SPOCK1: variants seen among roughly 807,000 people sequenced by gnomAD.
The protein encoded by SPOCK1 is SPARC (osteonectin), cwcv and kazal like domains proteoglycan 1.
SPOCK1 carries 23 observed loss-of-function variants against 55.3 expected under a neutral mutation model. The observed-to-expected ratio is 0.42, with a 90% CI of 0.30 to 0.59. SPOCK1 has a LOEUF of 0.59. Ranked by LOEUF, SPOCK1 falls within the 20% of genes least tolerant of loss-of-function variation. SPOCK1 has a pLI of 0.22. For missense variants in SPOCK1, 499 were observed against 552.5 expected (o/e 0.90, Z 0.97); for synonymous variants, 226 against 221.0 (o/e 1.02, Z -0.20).
intron 3 of SPOCK1, among the ~76,000 whole-genome samples, chr5:137,264,293 C>G (rs1026568175): frequency 2.0e-5 from 3 of 152,194 alleles, no homozygotes; most frequent in South Asian, 2.1e-4. Flanking sequence ...CTGCCCTCAT[C>G]ATGTCACTCG....
intron 2 of SPOCK1, among the ~76,000 whole-genome samples, chr5:137,496,777 A>G (rs949044114): frequency 1.3e-5 from 2 of 152,252 alleles, no homozygotes; most frequent in Non-Finnish European, 2.9e-5. Context: ...GGAATGGGGC[A>G]ATGAATGGCA....
intron 3 of SPOCK1, among the ~76,000 whole-genome samples, chr5:137,186,206 C>A (rs544986719): frequency 9.2e-5 from 14 of 152,200 alleles, no homozygotes; most frequent in Non-Finnish European, 1.8e-4. Flanking sequence ...TCACAGCCAA[C>A]CTTCTTGAAG....
intron 5 of SPOCK1, among the ~76,000 whole-genome samples, chr5:137,101,680 G>A (rs1156411601): frequency 1.3e-5 from 2 of 152,208 alleles, no homozygotes; most frequent in African/African-American, 4.8e-5. Flanking sequence ...AATGGACGAT[G>A]TCTGAACATC....
intron 2 of SPOCK1, among the ~76,000 whole-genome samples, chr5:137,318,153 A>C (rs1368191036): frequency 6.6e-6 from 1 of 152,110 alleles, no homozygotes; most frequent in Non-Finnish European, 1.5e-5. Flanking sequence ...AAGACCACAT[A>C]AATATGTAAT....
chr5:137,061,603 C>T (rs2127003029), intron 6 of SPOCK1, among the ~76,000 whole-genome samples: 1 of 152,278 alleles, frequency 6.6e-6, no homozygotes, highest in South Asian at 2.1e-4. Context: ...CATGTCAGGC[C>T]AGGAAGTGGG....
chr5:137,072,759 A>G (rs1561599027), intron 5 of SPOCK1, among the ~76,000 whole-genome samples: 1 of 152,220 alleles, frequency 6.6e-6, no homozygotes, highest in Non-Finnish European at 1.5e-5. Context: ...CATTTTATTC[A>G]AATTGCTTTC....
intron 2 of SPOCK1, among the ~76,000 whole-genome samples, chr5:137,322,865 C>T (rs779847204): frequency 1.3e-4 from 20 of 152,118 alleles, no homozygotes; most frequent in South Asian, 1.0e-3. Context: ...TGGAGGCTGG[C>T]AAGTCCAACA....
At chr5:137,498,349 G>A in intron 2 of SPOCK1, 24 bp downstream of exon 2, 1 of 1,550,778 alleles carries the variant, frequency 6.4e-7, no homozygotes, top group Non-Finnish European at 8.7e-7. Flanking sequence ...GCGCCCCCCA[G>A]GGCCGGGTGG....
intron 5 of SPOCK1, among the ~76,000 whole-genome samples, chr5:137,098,771 C>T (rs1753203618): frequency 6.6e-6 from 1 of 152,220 alleles, no homozygotes; most frequent in Admixed American, 6.5e-5. Context: ...AGAGACTTTG[C>T]ATCGTTTATT....
chr5:137,018,472 G>C lies in SPOCK1; in HGVS notation c.590-25872C>G, dbSNP rs372652784. ...TCCCCTCACCTTGTCCCCTCCCTCA[G>C]GTATCTCATATAGTGACAATGAAGT... On this transcript the variant is annotated intron_variant, in intron 6 of 10. Transcript: ENST00000394945. Among the ~76,000 whole-genome samples, 8 of 152,188 alleles carry C rather than the reference G, an allele frequency of 5.3e-5. No individual in the cohort carries two copies. In the East Asian group the frequency reaches 1.5e-3, roughly 29 times the overall value.
intron 5 of SPOCK1, among the ~76,000 whole-genome samples, chr5:137,107,478 AC>A (rs1325329627): frequency 5.3e-5 from 8 of 152,092 alleles, no homozygotes; most frequent in African/African-American, 1.2e-4. Context: ...TCCCTGTAGT[AC>A]CCTTCTGTTC....
intron 2 of SPOCK1, among the ~76,000 whole-genome samples, chr5:137,342,515 C>T (rs1479295121): frequency 6.6e-6 from 1 of 152,168 alleles, no homozygotes. Context: ...TTTCCATGAC[C>T]TCTTTCCTAC....
At chr5:137,465,006 G>A (rs1284890071) in intron 2 of SPOCK1, among the ~76,000 whole-genome samples, 1 of 152,118 alleles carries the variant, frequency 6.6e-6, no homozygotes, top group Non-Finnish European at 1.5e-5. Flanking sequence ...AGATATCAGA[G>A]AGAACGTGCA....
At chr5:137,029,874 G>A (rs758127857) in intron 6 of SPOCK1, among the ~76,000 whole-genome samples, 6 of 152,132 alleles carry the variant, frequency 3.9e-5, no homozygotes, top group South Asian at 2.1e-4. Flanking sequence ...AGGAGGTTCC[G>A]TTTTGTTTAC....
rs1750650901 is a variant in SPOCK1 at position 136,978,098 on chromosome 5, T to C, written c.*556A>G. 1 of 396,920 alleles carries C rather than the reference T, an allele frequency of 2.5e-6. No homozygotes were observed. Among genetic ancestry groups the C allele is most frequent in the South Asian group, 1.4e-4 (1 of 7,010 alleles). 24.6% of individuals were successfully genotyped at this position (396,920 alleles called of 1,614,324 possible). On this transcript the variant is annotated 3_prime_UTR_variant, in exon 11 of 11. Transcript: ENST00000394945. ...TTGACTGAATTAAGGCTGTTGTTTA[T>C]AGGAAGCCAGATATAATGATGTGAA...
intron 2 of SPOCK1, among the ~76,000 whole-genome samples, chr5:137,497,201 C>T (rs1754317291): frequency 6.6e-6 from 1 of 152,190 alleles, no homozygotes; most frequent in East Asian, 1.9e-4. Flanking sequence ...ACATATCCCA[C>T]CTCAAAGAGT....
chr5:137,066,789 G>C (rs1320025927), intron 6 of SPOCK1, among the ~76,000 whole-genome samples: 1 of 152,092 alleles, frequency 6.6e-6, no homozygotes, highest in Non-Finnish European at 1.5e-5. Flanking sequence ...CTCCTAAAGA[G>C]CCTTTAAACA....
In SPOCK1 at chr5:136,984,804, T is replaced by C. The variant is rs552687285; in HGVS notation, c.991+336A>G. ...GAAATGCTATAATTTTTAGACCTTATAGTTTGAGCACTTGAGAGCACCATT... is the reference window on the plus strand; with the variant it reads ...GAAATGCTATAATTTTTAGACCTTACAGTTTGAGCACTTGAGAGCACCATT... On this transcript the variant is annotated intron_variant, in intron 9 of 10. Coordinates refer to ENST00000394945, the MANE Select transcript of SPOCK1 (RefSeq NM_004598.4). Among the ~76,000 whole-genome samples the C allele has an allele frequency of 1.1e-4, 17 of 152,284 alleles. 1 individual carries two copies. In the South Asian group the frequency reaches 2.3e-3, roughly 20 times the overall value.
At chr5:137,274,216 C>T (rs1757020317) in intron 2 of SPOCK1, among the ~76,000 whole-genome samples, 1 of 152,222 alleles carries the variant, frequency 6.6e-6, no homozygotes, top group Admixed American at 6.5e-5. Context: ...CCATCCACAA[C>T]CTTGACTTTA....
Sources: gnomAD v4.1 joint callset for allele counts (sites outside exome capture counted in the v4.1 genomes callset) on GRCh38, gnomAD v4.1.1 for gene constraint, MANE v1.5 for transcripts, NCBI Gene and HGNC (gene_info 2026-07-23, HGNC 2026-07-21) for gene names.